DMGDH: variants seen among roughly 807,000 people sequenced by gnomAD.
DMGDH encodes the protein dimethylglycine dehydrogenase, mitochondrial.
In DMGDH, 76 loss-of-function variants were observed where a neutral mutation model predicts 95.2. That is an observed-to-expected ratio of 0.80 (90% CI 0.66 to 0.97). The LOEUF (loss-of-function observed/expected upper bound fraction) is 0.97, where lower values mean the gene tolerates loss of function less well. Among genes scored for constraint, DMGDH ranks in the 50% least tolerant of loss-of-function variants. The probability of loss-of-function intolerance (pLI) is 0.00; values close to 1 mark genes in which losing one functional copy is unlikely to be tolerated. For synonymous variants in DMGDH, 345 were observed against 377.6 expected (o/e 0.91, Z 1.00); for missense variants, 987 against 1,055.0 (o/e 0.94, Z 0.89).
intron 5 of DMGDH, 36 bp downstream of exon 5, chr5:79,051,251 T>TA (rs749818906): frequency 1.9e-6 from 3 of 1,603,778 alleles, no homozygotes; most frequent in East Asian, 2.2e-5. Context: ...CTTTGGCACT[T>TA]AAAAAACACT....
Position 78,998,234 on chromosome 5 carries a change from A to G in DMGDH, c.2449T>C (p.Tyr817His). Residue 817 changes from tyrosine to histidine, a missense_variant, in exon 16 of 16, where the codon TAT (tyrosine) becomes CAT (histidine). Coordinates refer to ENST00000255189, the MANE Select transcript of DMGDH (RefSeq NM_013391.3). ...YSIQKSLAFA[Y>H]VPVQLSEVGQ... Reference sequence around the variant, plus strand: ...ACTTCACTTAGTTGTACAGGGACATATGCGAAAGCCAGACTCTTCTGGATG... The same window carrying G: ...ACTTCACTTAGTTGTACAGGGACATGTGCGAAAGCCAGACTCTTCTGGATG... 2 of 1,614,242 alleles carry G rather than the reference A, an allele frequency of 1.2e-6. No individual in the cohort carries two copies. The highest frequency in any genetic ancestry group is 2.2e-5 in the East Asian group (1 of 44,884).
intron 5 of DMGDH, among the ~76,000 whole-genome samples, chr5:79,046,303 T>C (rs1427017992): frequency 6.6e-6 from 1 of 152,116 alleles, no homozygotes; most frequent in Non-Finnish European, 1.5e-5. Flanking sequence ...CAGGCTGATC[T>C]TGAACTCCTG....
At chr5:79,021,256 T>C (rs1407993271) in intron 14 of DMGDH, 2 of 1,023,846 alleles carry the variant, frequency 2.0e-6, no homozygotes, top group Non-Finnish European at 2.3e-6. Context: ...ATCTTCACAA[T>C]TACGGCTAAG....
chr5:79,051,670 AAAAG>A (rs1319096741), intron 4 of DMGDH, among the ~76,000 whole-genome samples, 179 bp from the exon 5 acceptor site: 1 of 152,230 alleles, frequency 6.6e-6, no homozygotes, highest in African/African-American at 2.4e-5. Flanking sequence ...TGGACTGCTG[AAAAG>A]AAAGAGAAAT....
chr5:79,002,181 T>C (rs1193002675), intron 15 of DMGDH, among the ~76,000 whole-genome samples: 1 of 152,244 alleles, frequency 6.6e-6, no homozygotes, highest in Non-Finnish European at 1.5e-5. Flanking sequence ...TAATTTAAGT[T>C]TGATGTTCTA....
chr5:79,009,333 ACTTT>A (rs59402535), intron 14 of DMGDH, among the ~76,000 whole-genome samples: 1 of 145,968 alleles, frequency 6.9e-6, no homozygotes, highest in South Asian at 2.3e-4. Flanking sequence ...AGAAACACTT[ACTTT>A]CTTTCTTCTT....
intron 1 of DMGDH, among the ~76,000 whole-genome samples, chr5:79,064,499 C>T (rs1409136205): frequency 6.6e-6 from 1 of 152,148 alleles, no homozygotes; most frequent in Non-Finnish European, 1.5e-5. Flanking sequence ...CTGTACACTA[C>T]TGTAGACTTT....
Position 79,054,259 on chromosome 5 carries a change from G to C in DMGDH, c.465C>G (p.Gly155=). ...TGAGATACTGTTCTGTTGCATGCCAGCCAGTCCGAGTCATTTGATATTTAA... is the reference window on the plus strand; with the variant it reads ...TGAGATACTGTTCTGTTGCATGCCACCCAGTCCGAGTCATTTGATATTTAA... ...DEFKYQMTRT[G]WHATEQYLIE... Residue 155 remains glycine, a synonymous_variant, in exon 4 of 16, where the codon GGC becomes GGG. Transcript: ENST00000255189. 6.2e-7 allele frequency: 1 copy of C among 1,614,104 alleles called. No individual in the cohort carries two copies. The highest frequency in any genetic ancestry group is 1.3e-5 in the African/African-American group (1 of 75,038).
At chr5:79,000,935 G>T in intron 15 of DMGDH, 1 of 674,850 alleles carries the variant, frequency 1.5e-6, no homozygotes, top group Non-Finnish European at 2.7e-6. Flanking sequence ...CTGTACCTGG[G>T]TCCTCATTTG....
intron 14 of DMGDH, chr5:79,020,666 CTTATGT>C: frequency 1.0e-6 from 1 of 974,336 alleles, no homozygotes; most frequent in Non-Finnish European, 1.2e-6. Flanking sequence ...TGTCTTATAA[CTTATGT>C]TTAATAGAGA....
At position 79,035,556 on chromosome 5, in the gene DMGDH, T is replaced by C. The variant is rs146118742; in HGVS notation, c.1194-2148A>G. Among the ~76,000 whole-genome samples, 44 of 152,302 alleles carry C rather than the reference T, an allele frequency of 2.9e-4. No individual in the cohort carries two copies. The East Asian group carries it at 7.5e-3, about 26-fold the overall frequency. On this transcript the variant is annotated intron_variant, in intron 7 of 15. Coordinates refer to ENST00000255189, the MANE Select transcript of DMGDH (RefSeq NM_013391.3). ...CCTATCTTCAGTAGTTCTCAGTCTTTGTTCAGCCAAGACACACATAGCAGA... is the reference window on the plus strand; with the variant it reads ...CCTATCTTCAGTAGTTCTCAGTCTTCGTTCAGCCAAGACACACATAGCAGA...
chr5:79,038,771 C>T (rs1187251278), intron 7 of DMGDH, among the ~76,000 whole-genome samples: 5 of 152,108 alleles, frequency 3.3e-5, no homozygotes, highest in Admixed American at 2.6e-4. Flanking sequence ...GAAAAACCAA[C>T]CATGTGATTA....
At chr5:79,052,331 A>T (rs1046165472) in intron 4 of DMGDH, among the ~76,000 whole-genome samples, 1 of 152,176 alleles carries the variant, frequency 6.6e-6, no homozygotes, top group African/African-American at 2.4e-5. Flanking sequence ...GAATGAGTTG[A>T]GAGGCATTCA....
chr5:79,024,372 G>A lies in DMGDH; in HGVS notation c.2191-42C>T, dbSNP rs201802069. ...CATTTTAAATCTTAGATGAGTGCAAGTCATTTTGGTAACATCACTTTCATA... is the reference window on the plus strand; with the variant it reads ...CATTTTAAATCTTAGATGAGTGCAAATCATTTTGGTAACATCACTTTCATA... On this transcript the variant is annotated intron_variant, in intron 13 of 15. Transcript: ENST00000255189. The A allele has an allele frequency of 5.5e-4, 848 of 1,528,784 alleles. 3 individuals carry two copies. The highest frequency in any genetic ancestry group is 3.7e-3 in the Middle Eastern group (22 of 5,868). 94.7% of individuals were successfully genotyped at this position (1,528,784 alleles called of 1,614,324 possible). A position where few individuals can be genotyped will look rare whatever the true frequency, so the allele number is the denominator to read the frequency against.
chr5:79,033,506 C>T (rs1230970125), intron 7 of DMGDH, 98 bp from the exon 8 acceptor site: 4 of 1,401,620 alleles, frequency 2.9e-6, no homozygotes, highest in Non-Finnish European at 4.0e-6. Flanking sequence ...TTGGACTGTT[C>T]TGTGCTAATC....
At chr5:79,025,541 T>C (rs529537402) in intron 13 of DMGDH, among the ~76,000 whole-genome samples, 10 of 152,208 alleles carry the variant, frequency 6.6e-5, no homozygotes, top group Non-Finnish European at 1.3e-4. Context: ...CTAGACTCTC[T>C]CTACTATCTA....
intron 5 of DMGDH, among the ~76,000 whole-genome samples, chr5:79,046,238 C>T (rs185402276): frequency 1.3e-5 from 2 of 152,170 alleles, no homozygotes; most frequent in African/African-American, 4.8e-5. Context: ...AGGTATCCGC[C>T]GCCATGCCCA....
At chr5:79,004,283 C>G (rs887019392) in intron 15 of DMGDH, among the ~76,000 whole-genome samples, 1 of 152,182 alleles carries the variant, frequency 6.6e-6, no homozygotes. Flanking sequence ...AGTTCTTTGT[C>G]AAATTGACCC....
intron 2 of DMGDH, among the ~76,000 whole-genome samples, chr5:79,057,432 A>G (rs1204794393): frequency 6.6e-6 from 1 of 152,186 alleles, no homozygotes; most frequent in Non-Finnish European, 1.5e-5. Flanking sequence ...CAAATATGCC[A>G]TTAAAGTTTG....
Sources: gnomAD v4.1 joint callset for allele counts (sites outside exome capture counted in the v4.1 genomes callset) on GRCh38, gnomAD v4.1.1 for gene constraint, MANE v1.5 for transcripts, NCBI Gene and HGNC (gene_info 2026-07-23, HGNC 2026-07-21) for gene names.